The following MGA variants were observed in gnomAD, a reference collection of about 807,000 sequenced individuals.
The protein encoded by MGA is MAX dimerization protein MGA, also known as MAX gene-associated protein.
In MGA, 40 loss-of-function variants were observed where a neutral mutation model predicts 261.1. That is an observed-to-expected ratio of 0.15 (90% CI 0.12 to 0.20). The LOEUF (loss-of-function observed/expected upper bound fraction) is 0.20, where lower values mean the gene tolerates loss of function less well. Among genes scored for constraint, MGA ranks in the 10% least tolerant of loss-of-function variants. MGA has a pLI of 1.00. For missense variants in MGA, 3,397 were observed against 3,630.5 expected (o/e 0.94, Z 1.65); for synonymous variants, 1,302 against 1,290.6 (o/e 1.01, Z -0.19).
rs148792059 is a variant in MGA, at chr15:41,639,069, G to A, written c.-68+17771G>A. 5.4e-3 allele frequency among the ~76,000 whole-genome samples: 816 copies of A among 152,240 alleles called. 7 individuals carry two copies. Among genetic ancestry groups the A allele is most frequent in the Non-Finnish European group, 8.5e-3 (581 of 68,010 alleles). ...GCTGGACTTGAACTCCAGGTCTCAA[G>A]TGATCTCACATCTCAGCCCTTTCAG... On this transcript the variant is annotated intron_variant, in intron 1 of 8. Coordinates refer to the MGA transcript ENST00000566718.
At chr15:41,661,635 G>A (rs2057408513) in intron 1 of MGA, among the ~76,000 whole-genome samples, 1 of 152,146 alleles carries the variant, frequency 6.6e-6, no homozygotes. Context: ...TCGCCTCGCC[G>A]GAGCAAACAC....
intron 2 of MGA, among the ~76,000 whole-genome samples, chr15:41,684,075 T>C (rs1232047920): frequency 6.6e-6 from 1 of 152,176 alleles, no homozygotes; most frequent in Admixed American, 6.5e-5. Flanking sequence ...ATGTTTATTA[T>C]AGCATCTGTT....
chr15:41,724,044 C>T (rs567289276), intron 9 of MGA, among the ~76,000 whole-genome samples: 2 of 151,340 alleles, frequency 1.3e-5, no homozygotes, highest in South Asian at 4.2e-4. Flanking sequence ...GGGACCTTTG[C>T]TTAGTATAAT....
At chr15:41,746,544 CAAAAAAAAAAAA>C (rs869061461) in intron 15 of MGA, among the ~76,000 whole-genome samples, 1 of 61,854 alleles carries the variant, frequency 1.6e-5, no homozygotes, top group Non-Finnish European at 3.2e-5. Context: ...GACTTCGTCT[CAAAAAAAAAAAA>C]AAAAAAAAAA....
At chr15:41,675,049 GTA>G (rs2058303576) in intron 2 of MGA, among the ~76,000 whole-genome samples, 1 of 152,110 alleles carries the variant, frequency 6.6e-6, no homozygotes, top group Non-Finnish European at 1.5e-5. Context: ...TCCTATTGAT[GTA>G]TATTTGGATT....
intron 1 of MGA, among the ~76,000 whole-genome samples, chr15:41,623,534 C>G (rs1030925858): frequency 6.6e-6 from 1 of 151,854 alleles, no homozygotes; most frequent in Non-Finnish European, 1.5e-5. Flanking sequence ...CACCTGAGGT[C>G]GGGAGTTCGA....
Position 41,748,684 on chromosome 15 carries a change from A to G in MGA, c.5260A>G (p.Thr1754Ala). The G allele has an allele frequency of 1.2e-6, 2 of 1,613,954 alleles. No homozygotes were observed. The highest frequency in any genetic ancestry group is 1.7e-6 in the Non-Finnish European group (2 of 1,179,884). ...GGCTACTCCACAGGTCTCTCCTAAC[A>G]CAGTGAAACGTGCTGGACCTCGATT... The change falls in exon 16 of 24, where the codon ACA becomes GCA. Residue 1754 changes from threonine (T) to alanine (A), a missense_variant. Transcript: ENST00000219905.
chr15:41,631,118 A>G (rs570989018), intron 1 of MGA, among the ~76,000 whole-genome samples: 11 of 152,196 alleles, frequency 7.2e-5, no homozygotes, highest in Non-Finnish European at 1.0e-4. Flanking sequence ...TTAACAAGCA[A>G]TATATCCGTA....
At chr15:41,708,731 C>G (rs1415200415) in intron 7 of MGA, among the ~76,000 whole-genome samples, 1 of 152,180 alleles carries the variant, frequency 6.6e-6, no homozygotes, top group Non-Finnish European at 1.5e-5. Flanking sequence ...ATTGCTGCAG[C>G]CTTTTTAACA....
chr15:41,674,733 T>C (rs1010385097), intron 2 of MGA, among the ~76,000 whole-genome samples: 1 of 152,162 alleles, frequency 6.6e-6, no homozygotes, highest in African/African-American at 2.4e-5. Context: ...TTGGTCAGGA[T>C]GGTCTCGATC....
At chr15:41,738,213 A>G (rs2061894129) in intron 13 of MGA, among the ~76,000 whole-genome samples, 1 of 151,798 alleles carries the variant, frequency 6.6e-6, no homozygotes, top group Non-Finnish European at 1.5e-5. Flanking sequence ...AGCCTGACCA[A>G]CATGGTGAAA....
Position 41,748,945 on chromosome 15 carries a change from A to G in MGA, c.5503+18A>G. 6.2e-7 allele frequency: 1 copy of G among 1,607,528 alleles called. No homozygotes were observed. The highest frequency in any genetic ancestry group is 8.5e-7 in the Non-Finnish European group (1 of 1,177,166). ...GAACCCAGGTATAAAGTTCTTTTTT[A>G]TGAACTTTTCTTTTGTTGAATCACT... On this transcript the variant is annotated intron_variant, in intron 16 of 23. Transcript: ENST00000219905.
Position 41,766,052 on chromosome 15 carries a change from T to G in MGA, c.7970T>G (p.Leu2657Trp). 1 of 1,613,764 alleles carries G rather than the reference T, an allele frequency of 6.2e-7. No individual in the cohort carries two copies. Among genetic ancestry groups the G allele is most frequent in the South Asian group, 1.1e-5 (1 of 91,050 alleles). ...CCACGAATTGTTAATGTGACATCAT[T>G]GGCCACAGAGGGAGGTTTGGTAGAT... is the stretch of plus-strand genomic sequence containing the variant. Residue 2657 changes from leucine (L) to tryptophan (W), a missense_variant, in exon 24 of 24, where the codon TTG becomes TGG. Leu to Trp is a moderately conservative substitution (Grantham distance 61). Coordinates refer to ENST00000219905, the MANE Select transcript of MGA (RefSeq NM_001164273.2).
In MGA at chr15:41,736,555, C is replaced by T. The variant is rs1422015331; in HGVS notation, c.4291C>T (p.Pro1431Ser). 6 of 1,614,002 alleles carry T rather than the reference C, an allele frequency of 3.7e-6. No homozygotes were observed. In the African/African-American group the frequency reaches 4.0e-5, roughly 11 times the overall value. Residue 1431 changes from proline (P) to serine (S), a missense_variant, in exon 13 of 24, where the codon CCT becomes TCT. Coordinates refer to ENST00000219905, the MANE Select transcript of MGA (RefSeq NM_001164273.2). ...CCCTGGGAAAATGGAGGATATCTCT[C>T]CTGTGCAGACAGATGCCCTGGATTC...
chr15:41,677,434 C>T (rs1317168689), intron 2 of MGA, among the ~76,000 whole-genome samples: 2 of 152,224 alleles, frequency 1.3e-5, no homozygotes, highest in African/African-American at 4.8e-5. Flanking sequence ...GCCACTGCAC[C>T]TGGCCAATGA....
At chr15:41,705,371 T>C (rs1794067174) in intron 5 of MGA, among the ~76,000 whole-genome samples, 1 of 152,136 alleles carries the variant, frequency 6.6e-6, no homozygotes. Flanking sequence ...GTCTTTTTTT[T>C]TTTCAAGACA....
intron 1 of MGA, among the ~76,000 whole-genome samples, chr15:41,631,960 A>G (rs1435571836): frequency 2.0e-5 from 3 of 152,106 alleles, no homozygotes; most frequent in Admixed American, 6.6e-5. Flanking sequence ...GTCTTTACAT[A>G]GGTTTATCTG....
At chr15:41,654,739 C>G (rs112578934) in intron 1 of MGA, among the ~76,000 whole-genome samples, 1 of 152,046 alleles carries the variant, frequency 6.6e-6, no homozygotes, top group Non-Finnish European at 1.5e-5. Flanking sequence ...GTCTCAAACT[C>G]TTGGGCTCAA....
intron 1 of MGA, among the ~76,000 whole-genome samples, chr15:41,654,098 TGAG>T (rs1433502699): frequency 2.0e-5 from 3 of 152,226 alleles, no homozygotes; most frequent in African/African-American, 7.2e-5. Flanking sequence ...TTGTTACTGA[TGAG>T]GAGAAGCTGA....
Sources: allele counts gnomAD v4.1 joint callset (sites outside exome capture counted in the v4.1 genomes callset), GRCh38; gene constraint gnomAD v4.1.1; transcripts MANE v1.5; gene names NCBI Gene and HGNC (gene_info 2026-07-23, HGNC 2026-07-21).